The following ADAMTSL1 variants were observed in gnomAD, a reference collection of about 807,000 sequenced individuals.
ADAMTSL1 encodes the protein ADAMTS like 1.
A neutral mutation model predicts 201.8 loss-of-function variants in ADAMTSL1; 126 were observed. The observed-to-expected ratio is 0.62, with a 90% confidence interval of 0.54 to 0.72. The LOEUF is 0.72. Among genes scored for constraint, ADAMTSL1 ranks in the 30% least tolerant of loss-of-function variants. The pLI is 0.00. For missense variants in ADAMTSL1, 2,679 were observed against 2,277.8 expected, an observed-to-expected ratio of 1.18 and a Z score of -3.59; for synonymous variants, 1,121 against 903.4, an observed-to-expected ratio of 1.24 and a Z score of -4.32.
At chr9:18,082,556 C>A (rs113172073) in intron 1 of ADAMTSL1, among the ~76,000 whole-genome samples, 3 of 152,154 alleles carry the variant, frequency 2.0e-5, no homozygotes, top group African/African-American at 7.2e-5. Context: ...TTAAGGACAC[C>A]TTAAGACACA....
chr9:18,500,382 C>T (rs1379328234), intron 1 of ADAMTSL1, among the ~76,000 whole-genome samples: 1 of 152,142 alleles, frequency 6.6e-6, no homozygotes, highest in African/African-American at 2.4e-5. Context: ...ATCTGTATTC[C>T]ATAAAATTGG....
At chr9:18,106,903 C>T (rs1047837233) in intron 1 of ADAMTSL1, among the ~76,000 whole-genome samples, 7 of 152,222 alleles carry the variant, frequency 4.6e-5, no homozygotes, top group Non-Finnish European at 8.8e-5. Context: ...ATATTGCCAA[C>T]GCCATGTATT....
At chr9:18,898,495 G>C (rs746783263) in intron 26 of ADAMTSL1, among the ~76,000 whole-genome samples, 2 of 152,158 alleles carry the variant, frequency 1.3e-5, no homozygotes, top group Non-Finnish European at 2.9e-5. Flanking sequence ...GAACCAACAA[G>C]ACCTCTGAGA....
rs56297219 is a variant in ADAMTSL1 at position 18,517,575 on chromosome 9, C to G, written c.191+12619C>G. On this transcript the variant is annotated intron_variant, in intron 2 of 28. Coordinates refer to ENST00000380548, the MANE Select transcript of ADAMTSL1 (RefSeq NM_001040272.6). Reference sequence around the variant, plus strand: ...CAATGCTATCCCTCCCCCCTCCCCCCACACCACCACAGTCCCCAGCGTGTG... The same window carrying G: ...CAATGCTATCCCTCCCCCCTCCCCCGACACCACCACAGTCCCCAGCGTGTG... 6.1e-3 allele frequency among the ~76,000 whole-genome samples: 887 copies of G among 145,628 alleles called. 11 individuals carry two copies. Among genetic ancestry groups the G allele is most frequent in the African/African-American group, 0.021 (846 of 39,468 alleles).
chr9:18,107,590 A>G (rs1824815846), intron 1 of ADAMTSL1, among the ~76,000 whole-genome samples: 1 of 152,212 alleles, frequency 6.6e-6, no homozygotes, highest in Non-Finnish European at 1.5e-5. Flanking sequence ...CTTGAAAAGG[A>G]TATGGACTCA....
At chr9:18,875,202 A>G (rs1041708410) in intron 23 of ADAMTSL1, among the ~76,000 whole-genome samples, 1 of 152,074 alleles carries the variant, frequency 6.6e-6, no homozygotes, top group South Asian at 2.1e-4. Context: ...TCATCTTTTT[A>G]AAGAAACAGC....
chr9:18,753,584 G>A lies in ADAMTSL1; in HGVS notation c.2217+76G>A. 4 of 1,506,180 alleles carry A rather than the reference G, an allele frequency of 2.7e-6. No homozygotes were observed. The South Asian group carries it at 4.8e-5, about 18-fold the overall frequency. The allele number at this position is 1,506,180 out of a possible 1,614,324, so 93.3% of individuals were successfully genotyped here. A position where few individuals can be genotyped will look rare whatever the true frequency, so the allele number is the denominator to read the frequency against. On this transcript the variant is annotated intron_variant, in intron 16 of 28. Coordinates refer to ENST00000380548, the MANE Select transcript of ADAMTSL1 (RefSeq NM_001040272.6). ...CAAAAAAGGGATGCTCTCTCAGAGT[G>A]GTTTTGTCCAGGGATGTTAAAGGGA...
chr9:18,124,045 TGTTGA>T (rs1825619812), intron 1 of ADAMTSL1, among the ~76,000 whole-genome samples: 2 of 151,530 alleles, frequency 1.3e-5, no homozygotes, highest in Non-Finnish European at 2.9e-5. Context: ...TGATTAATGA[TGTTGA>T]GTATCTTTTT....
chr9:18,770,918 A>T, intron 17 of ADAMTSL1, 137 bp downstream of exon 17: 1 of 957,226 alleles, frequency 1.0e-6, no homozygotes, highest in Non-Finnish European at 1.5e-6. Context: ...GTAACCATAT[A>T]TACCGTAGTG....
chr9:17,962,565 T>C (rs915307442), intron 1 of ADAMTSL1, among the ~76,000 whole-genome samples: 2 of 152,170 alleles, frequency 1.3e-5, no homozygotes, highest in African/African-American at 4.8e-5. Context: ...GAATCATTCA[T>C]GGTTGTGATT....
intron 4 of ADAMTSL1, among the ~76,000 whole-genome samples, chr9:18,600,163 C>G (rs1824544589): frequency 6.6e-6 from 1 of 152,102 alleles, no homozygotes; most frequent in African/African-American, 2.4e-5. Context: ...CTATCTGCTT[C>G]TCTGATGCTT....
At chr9:18,299,323 T>A (rs1833605691) in intron 2 of ADAMTSL1, among the ~76,000 whole-genome samples, 1 of 152,162 alleles carries the variant, frequency 6.6e-6, no homozygotes, top group Admixed American at 6.5e-5. Context: ...TACATATATC[T>A]TCTCCATTGG....
chr9:18,714,035 T>C (rs1832766767), intron 14 of ADAMTSL1, among the ~76,000 whole-genome samples: 1 of 151,744 alleles, frequency 6.6e-6, no homozygotes, highest in Non-Finnish European at 1.5e-5. Flanking sequence ...GAAATAAAGA[T>C]GTTCTTTGAA....
At chr9:17,966,284 G>C (rs771874596) in intron 1 of ADAMTSL1, among the ~76,000 whole-genome samples, 4 of 152,030 alleles carry the variant, frequency 2.6e-5, no homozygotes, top group Non-Finnish European at 4.4e-5. Flanking sequence ...GTATAGAAAA[G>C]GTTTACTTGC....
At chr9:17,964,517 G>A (rs891852126) in intron 1 of ADAMTSL1, among the ~76,000 whole-genome samples, 18 of 152,008 alleles carry the variant, frequency 1.2e-4, no homozygotes, top group African/African-American at 4.3e-4. Flanking sequence ...TCTGTGTCTC[G>A]ACAGTAGTGG....
intron 1 of ADAMTSL1, among the ~76,000 whole-genome samples, chr9:17,939,953 G>A (rs1343341828): frequency 6.6e-6 from 1 of 152,100 alleles, no homozygotes; most frequent in Non-Finnish European, 1.5e-5. Flanking sequence ...CTTCTTGGCT[G>A]AGTGAGGTAA....
At chr9:17,926,655 C>T (rs956218626) in intron 1 of ADAMTSL1, among the ~76,000 whole-genome samples, 7 of 152,242 alleles carry the variant, frequency 4.6e-5, no homozygotes, top group Non-Finnish European at 1.0e-4. Flanking sequence ...TGCTCACATA[C>T]TATTGGCCAA....
At chr9:18,042,823 A>G (rs1053671180) in intron 1 of ADAMTSL1, among the ~76,000 whole-genome samples, 3 of 152,142 alleles carry the variant, frequency 2.0e-5, no homozygotes, top group African/African-American at 2.4e-5. Flanking sequence ...ATCATGACTG[A>G]TATGCAGTAC....
At chr9:18,018,596 G>T (rs576650008) in intron 1 of ADAMTSL1, among the ~76,000 whole-genome samples, 5 of 152,102 alleles carry the variant, frequency 3.3e-5, no homozygotes, top group Admixed American at 2.6e-4. Context: ...AGAGATGCCC[G>T]TGTATTAAGA....
Sources: allele counts gnomAD v4.1 joint callset (sites outside exome capture counted in the v4.1 genomes callset), GRCh38; gene constraint gnomAD v4.1.1; transcripts MANE v1.5; gene names NCBI Gene and HGNC (gene_info 2026-07-23, HGNC 2026-07-21).